Variants in RPTOR observed in about 807,000 individuals in gnomAD.
RPTOR encodes the protein regulatory-associated protein of mTOR.
Under a neutral mutation model 169.9 loss-of-function variants are expected in RPTOR, and 21 were observed. That is an observed-to-expected ratio of 0.12 (90% CI 0.09 to 0.18). The LOEUF is 0.18. RPTOR is among the 10% of genes least tolerant of loss of function. The pLI, the probability that RPTOR is intolerant of heterozygous loss-of-function variation, is 1.00. For synonymous variants in RPTOR, 732 were observed against 753.2 expected, an observed-to-expected ratio of 0.97 and a Z score of 0.46; for missense variants, 1,133 against 1,855.9, an observed-to-expected ratio of 0.61 and a Z score of 7.16.
intron 3 of RPTOR, among the ~76,000 whole-genome samples, chr17:80,706,705 T>C (rs1598241969): frequency 6.6e-6 from 1 of 152,320 alleles, no homozygotes; most frequent in South Asian, 2.1e-4. Flanking sequence ...GCTGCCATGA[T>C]TTTCTGGCCC....
chr17:80,909,557 CAG>C (rs2068587358), intron 21 of RPTOR: 1 of 151,924 alleles, frequency 6.6e-6, no homozygotes, highest in African/African-American at 2.4e-5. Flanking sequence ...TTTGTAGAGA[CAG>C]AGTCTCAGTG....
intron 3 of RPTOR, among the ~76,000 whole-genome samples, chr17:80,670,079 A>C (rs1205643947): frequency 6.6e-6 from 1 of 152,206 alleles, no homozygotes; most frequent in African/African-American, 2.4e-5. Context: ...CTCATCTGAA[A>C]GATAAGGTGG....
chr17:80,934,179 C>T (rs889753496), intron 24 of RPTOR, among the ~76,000 whole-genome samples: 1 of 151,508 alleles, frequency 6.6e-6, no homozygotes, highest in Non-Finnish European at 1.5e-5. Context: ...CAGATGGGGT[C>T]TCATTCTGTT....
At position 80,936,018 on chromosome 17, in the gene RPTOR, A is replaced by C. The variant is rs1284902713; in HGVS notation, c.2920-4478A>C. Among the ~76,000 whole-genome samples the C allele has an allele frequency of 1.3e-5, 2 of 152,362 alleles. No homozygotes were observed. The highest frequency in any genetic ancestry group is 4.8e-5 in the African/African-American group (2 of 41,590). Reference sequence around the variant, plus strand: ...TCAAAATTCCATGATAAAGGAAATAAGCAGCCCAATTAAAAAACAGTGGCG... The same window carrying C: ...TCAAAATTCCATGATAAAGGAAATACGCAGCCCAATTAAAAAACAGTGGCG... On this transcript the variant is annotated intron_variant, in intron 24 of 33. Transcript: ENST00000306801. The surrounding 1 kb of genome is among the most constrained non-coding windows in gnomAD (Gnocchi z 4.1).
At chr17:80,598,605 T>G (rs1316017950) in intron 1 of RPTOR, among the ~76,000 whole-genome samples, 1 of 152,236 alleles carries the variant, frequency 6.6e-6, no homozygotes, top group Non-Finnish European at 1.5e-5. Flanking sequence ...GCTGATCTTT[T>G]GCGCAGGGTG....
At chr17:80,648,906 T>C (rs981567762) in intron 3 of RPTOR, among the ~76,000 whole-genome samples, 1 of 152,254 alleles carries the variant, frequency 6.6e-6, no homozygotes, top group African/African-American at 2.4e-5. Context: ...CTGCACGAGC[T>C]CTCTCTTGCC....
chr17:80,685,628 T>TATATATATATATATATATA (rs1491347361), intron 3 of RPTOR, among the ~76,000 whole-genome samples: 26 of 22,668 alleles, frequency 1.1e-3, no homozygotes, highest in South Asian at 2.5e-3. Flanking sequence ...TATATATATA[T>TATATATATATATATATATA]TTTTTTTTTT....
intron 3 of RPTOR, among the ~76,000 whole-genome samples, chr17:80,665,485 TTCCTTTCCTTTCCTTTCCATG>T (rs1292455473): frequency 0.055 from 2,616 of 47,390 alleles, 817 homozygotes; most frequent in Non-Finnish European, 0.076. Flanking sequence ...TTCCTTTCCT[TTCCTTTCCTTTCCTTTCCATG>T]TCCTTTCCTT....
intron 3 of RPTOR, among the ~76,000 whole-genome samples, chr17:80,697,503 C>T (rs60314334): frequency 0.013 from 2,030 of 152,320 alleles, 61 homozygotes; most frequent in African/African-American, 0.046. Context: ...ATCAGAAGCA[C>T]CTTGTGAGCC....
At chr17:80,955,413 G>A (rs976915712) in intron 28 of RPTOR, among the ~76,000 whole-genome samples, 6 of 152,200 alleles carry the variant, frequency 3.9e-5, no homozygotes, top group Non-Finnish European at 7.3e-5. Context: ...CTCACACCAT[G>A]CACAAAACAC....
At chr17:80,833,793 C>G (rs1389700867) in intron 9 of RPTOR, among the ~76,000 whole-genome samples, 2 of 152,134 alleles carry the variant, frequency 1.3e-5, no homozygotes, top group Non-Finnish European at 2.9e-5. Flanking sequence ...AGTTCGAGAC[C>G]CGCCTGACCA....
intron 3 of RPTOR, among the ~76,000 whole-genome samples, chr17:80,705,129 G>A (rs1303350602): frequency 6.6e-6 from 1 of 152,262 alleles, no homozygotes; most frequent in African/African-American, 2.4e-5. Flanking sequence ...CTCCCTGTGG[G>A]CCAGCCCTGT....
intron 24 of RPTOR, among the ~76,000 whole-genome samples, chr17:80,930,899 G>A (rs369937849): frequency 1.2e-3 from 187 of 152,328 alleles, no homozygotes; most frequent in Non-Finnish European, 2.1e-3. Context: ...TAGTGCCAGC[G>A]CCTGTCTGGT....
intron 1 of RPTOR, chr17:80,593,270 G>C (rs900114848): frequency 6.5e-6 from 1 of 154,770 alleles, no homozygotes; most frequent in African/African-American, 2.4e-5. Flanking sequence ...TGTCTTCCAC[G>C]GTGAACTTGT....
chr17:80,726,443 C>T lies in RPTOR; in HGVS notation c.508-4117C>T, dbSNP rs952271043. ...GTGCAGCAGTACCTCATGGTTATGA[C>T]GGATCATCTTCCTGAACTTTGCATC... On this transcript the variant is annotated intron_variant, in intron 4 of 33. Transcript: ENST00000306801. This position sits in a 1 kb window ranked among gnomAD's most constrained non-coding sequence, Gnocchi z 4.5. 2.6e-5 allele frequency among the ~76,000 whole-genome samples: 4 copies of T among 151,408 alleles called. No homozygotes were observed. Among genetic ancestry groups the T allele is most frequent in the South Asian group, 4.2e-4 (2 of 4,774 alleles).
intron 26 of RPTOR, among the ~76,000 whole-genome samples, chr17:80,946,104 T>C (rs2144054690): frequency 6.6e-6 from 1 of 152,264 alleles, no homozygotes; most frequent in Middle Eastern, 3.4e-3. Context: ...CTTGCTGCCC[T>C]GCCCGCAGAA....
rs532712262 is a variant in RPTOR, at chr17:80,960,173, C to T, written c.3573C>T (p.Arg1191=). The change falls in exon 30 of 34, where the codon CGC becomes CGT. Residue 1191 remains arginine (R), a synonymous_variant. Coordinates refer to ENST00000306801, the MANE Select transcript of RPTOR (RefSeq NM_020761.3). The surrounding 1 kb of genome is among the most constrained non-coding windows in gnomAD (Gnocchi z 4.8). ...CTGGCCTCGGTGACGGCTCCATCCG[C>T]GTCTACGACAGAAGGATGGCACTCA... is the stretch of plus-strand genomic sequence containing the variant. ...IVAGLGDGSI[R]VYDRRMALSE... 94 of 1,613,586 alleles carry T rather than the reference C, an allele frequency of 5.8e-5. No homozygotes were observed. The East Asian group carries it at 6.2e-4, about 11-fold the overall frequency.
chr17:80,951,086 C>T (rs2069170861), intron 28 of RPTOR, among the ~76,000 whole-genome samples: 1 of 151,798 alleles, frequency 6.6e-6, no homozygotes, highest in Non-Finnish European at 1.5e-5. Context: ...TGTCCATGCC[C>T]AGCTGGCCCC....
In RPTOR at chr17:80,684,280, G is replaced by T. The variant is rs140139537; in HGVS notation, c.349-23561G>T. Reference sequence around the variant, plus strand: ...GTATGTAAGTTATTAATGTGGTTCTGCAAGTCAAAACTGTATAAAGCTAGA... The same window carrying T: ...GTATGTAAGTTATTAATGTGGTTCTTCAAGTCAAAACTGTATAAAGCTAGA... On this transcript the variant is annotated intron_variant, in intron 3 of 33. Transcript: ENST00000306801. Among the ~76,000 whole-genome samples, 1,377 of 151,908 alleles carry T rather than the reference G, an allele frequency of 9.1e-3. 19 individuals carry two copies. Among genetic ancestry groups the T allele is most frequent in the African/African-American group, 0.028 (1,143 of 41,442 alleles).
Sources: gnomAD v4.1 joint callset for allele counts (sites outside exome capture counted in the v4.1 genomes callset) on GRCh38, gnomAD v4.1.1 for gene constraint, Gnocchi (gnomAD v3.1) non-coding constraint, MANE v1.5 for transcripts, NCBI Gene and HGNC (gene_info 2026-07-23, HGNC 2026-07-21) for gene names.